The following FSTL5 variants were observed in gnomAD, a reference collection of about 807,000 sequenced individuals.
FSTL5 encodes the protein follistatin-related protein 5.
A neutral mutation model predicts 89.1 loss-of-function variants in FSTL5; 62 were observed. The observed-to-expected ratio is 0.70, with a 90% CI of 0.57 to 0.86. FSTL5 has a LOEUF of 0.86. Ranked by LOEUF, FSTL5 falls within the 40% of genes least tolerant of loss-of-function variation. The pLI is 0.00. For synonymous variants in FSTL5, 383 were observed against 346.2 expected (o/e 1.11, Z -1.18); for missense variants, 1,057 against 1,001.6 (o/e 1.06, Z -0.75).
intron 15 of FSTL5, among the ~76,000 whole-genome samples, chr4:161,436,983 G>T (rs545680643): frequency 1.3e-5 from 2 of 152,136 alleles, no homozygotes; most frequent in Non-Finnish European, 1.5e-5. Context: ...TACAATGATT[G>T]TAATTTTGTT....
intron 12 of FSTL5, among the ~76,000 whole-genome samples, chr4:161,488,284 T>TCATGTTCTGTTACCAGAA (rs1417447149): frequency 6.6e-6 from 1 of 152,138 alleles, no homozygotes; most frequent in Admixed American, 6.6e-5. Context: ...ACATAGGTAG[T>TCATGTTCTGTTACCAGAA]CATGGTAACG....
chr4:161,601,185 TG>T (rs1414414016), intron 7 of FSTL5, among the ~76,000 whole-genome samples: 1 of 152,048 alleles, frequency 6.6e-6, no homozygotes, highest in Non-Finnish European at 1.5e-5. Flanking sequence ...TCAGAAAGAC[TG>T]GGGGCAGGAG....
chr4:162,133,175 T>C (rs909317684), intron 1 of FSTL5, among the ~76,000 whole-genome samples: 1 of 152,230 alleles, frequency 6.6e-6, no homozygotes, highest in African/African-American at 2.4e-5. Flanking sequence ...GGTTCTAATA[T>C]TGTTCAGAAG....
chr4:162,073,627 T>TA (rs1035757180), intron 2 of FSTL5, among the ~76,000 whole-genome samples: 1 of 151,784 alleles, frequency 6.6e-6, no homozygotes, highest in Non-Finnish European at 1.5e-5. Context: ...ACAGCAAGTA[T>TA]AAAAAATATC....
At chr4:161,987,715 G>T (rs528633035) in intron 3 of FSTL5, among the ~76,000 whole-genome samples, 2 of 150,752 alleles carry the variant, frequency 1.3e-5, no homozygotes, top group Admixed American at 6.6e-5. Flanking sequence ...AGAATCATGA[G>T]GAACATTCTT....
chr4:161,892,953 T>C (rs1733035978), intron 4 of FSTL5, among the ~76,000 whole-genome samples: 1 of 152,140 alleles, frequency 6.6e-6, no homozygotes, highest in Non-Finnish European at 1.5e-5. Context: ...GTTCATATCT[T>C]TTTCTTGCAA....
intron 8 of FSTL5, among the ~76,000 whole-genome samples, chr4:161,548,811 T>C (rs1732095071): frequency 6.6e-6 from 1 of 151,894 alleles, no homozygotes; most frequent in Non-Finnish European, 1.5e-5. Context: ...ATTAATTGTA[T>C]AATTTTCAAA....
chr4:161,445,659 A>G (rs1299473937), intron 15 of FSTL5, among the ~76,000 whole-genome samples: 1 of 152,002 alleles, frequency 6.6e-6, no homozygotes, highest in Non-Finnish European at 1.5e-5. Flanking sequence ...AAGTATCAAA[A>G]GGATTATCAA....
intron 4 of FSTL5, among the ~76,000 whole-genome samples, chr4:161,833,854 T>C (rs1489765684): frequency 6.6e-6 from 1 of 151,992 alleles, no homozygotes; most frequent in Non-Finnish European, 1.5e-5. Context: ...GTCTGTGTCT[T>C]TTAATTGGAG....
chr4:161,536,086 A>G (rs1473962055), intron 10 of FSTL5, among the ~76,000 whole-genome samples: 1 of 152,052 alleles, frequency 6.6e-6, no homozygotes, highest in Non-Finnish European at 1.5e-5. Flanking sequence ...GGAACTACTA[A>G]AGGAGCGAAG....
chr4:161,673,385 T>C (rs1192588956), intron 6 of FSTL5, among the ~76,000 whole-genome samples: 2 of 152,044 alleles, frequency 1.3e-5, no homozygotes, highest in Non-Finnish European at 2.9e-5. Flanking sequence ...TTTACTATGG[T>C]AATATATCCT....
chr4:161,853,337 G>A lies in FSTL5; in HGVS notation c.409+67067C>T, dbSNP rs188243732. The stretch of plus-strand genomic sequence containing the variant: ...GGCTGGCGTGCAGTGGCACGATCTC[G>A]GCTCACTGCAACCTCCGCTTCCTGG... On this transcript the variant is annotated intron_variant, in intron 4 of 15. Transcript: ENST00000306100. Among the ~76,000 whole-genome samples the A allele has an allele frequency of 6.2e-3, 940 of 152,028 alleles. 3 individuals carry two copies. The highest frequency in any genetic ancestry group is 0.01 in the Middle Eastern group (3 of 294).
chr4:162,078,551 G>A (rs1729962985), intron 2 of FSTL5, among the ~76,000 whole-genome samples: 1 of 151,814 alleles, frequency 6.6e-6, no homozygotes, highest in Non-Finnish European at 1.5e-5. Context: ...AGAAGTGGTA[G>A]AAGTGGTGGA....
chr4:161,935,565 G>A (rs1433816326), intron 3 of FSTL5, among the ~76,000 whole-genome samples: 1 of 152,004 alleles, frequency 6.6e-6, no homozygotes, highest in East Asian at 1.9e-4. Context: ...ACCACAGAGA[G>A]GTAATTAAAA....
intron 6 of FSTL5, among the ~76,000 whole-genome samples, chr4:161,657,181 A>C (rs1736548504): frequency 6.6e-6 from 1 of 152,216 alleles, no homozygotes; most frequent in Admixed American, 6.5e-5. Context: ...TGAAATCTGC[A>C]TATGGCTTTC....
chr4:162,094,008 A>G (rs1730653545), intron 2 of FSTL5, among the ~76,000 whole-genome samples: 1 of 152,180 alleles, frequency 6.6e-6, no homozygotes, highest in Admixed American at 6.6e-5. Flanking sequence ...AAATAAAGCT[A>G]AAATTAAAAT....
At chr4:161,677,976 T>G (rs1737366360) in intron 6 of FSTL5, among the ~76,000 whole-genome samples, 1 of 151,702 alleles carries the variant, frequency 6.6e-6, no homozygotes, top group African/African-American at 2.4e-5. Context: ...TATTTGTCAA[T>G]TAAAACATAT....
intron 5 of FSTL5, among the ~76,000 whole-genome samples, chr4:161,768,313 T>C (rs1030043041): frequency 6.6e-6 from 1 of 152,088 alleles, no homozygotes. Flanking sequence ...AATATATACC[T>C]TGCCATTCGT....
At chr4:162,032,722 G>A (rs942380923) in intron 3 of FSTL5, 1 of 152,232 alleles carries the variant, frequency 6.6e-6, no homozygotes, top group African/African-American at 2.4e-5. Context: ...CCTCTGAAGT[G>A]TAACTACCCT....
Sources: allele counts gnomAD v4.1 joint callset (sites outside exome capture counted in the v4.1 genomes callset), GRCh38; gene constraint gnomAD v4.1.1; transcripts MANE v1.5; gene names NCBI Gene and HGNC (gene_info 2026-07-23, HGNC 2026-07-21).